Variants in ZBTB16 observed in about 807,000 individuals in gnomAD.
ZBTB16 encodes zinc finger and BTB domain containing 16.
Under a neutral mutation model 56.8 loss-of-function variants are expected in ZBTB16, and 8 were observed. That is an observed-to-expected ratio of 0.14 (90% CI 0.08 to 0.25). ZBTB16 has a LOEUF of 0.25. ZBTB16 is among the 10% of genes least tolerant of loss of function. The pLI, the probability that ZBTB16 is intolerant of heterozygous loss-of-function variation, is 1.00. For synonymous variants in ZBTB16, 363 were observed against 368.5 expected (o/e 0.98, Z 0.17); for missense variants, 625 against 903.0 (o/e 0.69, Z 3.95).
In ZBTB16 at chr11:114,064,408, A is replaced by G; in HGVS notation, c.1108A>G (p.Thr370Ala). Residue 370 changes from threonine to alanine, a missense_variant, in exon 2 of 7, where the codon ACC (threonine) becomes GCC (alanine). Thr to Ala is a moderately conservative substitution (Grantham distance 58, BLOSUM62 0). Transcript: ENST00000335953. This position sits in a 1 kb window ranked among gnomAD's most constrained non-coding sequence, Gnocchi z 4.2. Reference protein sequence around the residue: ...PALAVSMDFSTYGGLLPQGFI... With the variant: ...PALAVSMDFSAYGGLLPQGFI... Reference sequence around the variant, plus strand: ...CCTGGCTGTCTCCATGGACTTCAGCACCTATGGGGGGCTGCTGCCCCAGGG... The same window carrying G: ...CCTGGCTGTCTCCATGGACTTCAGCGCCTATGGGGGGCTGCTGCCCCAGGG... 6.2e-7 allele frequency: 1 copy of G among 1,613,992 alleles called. No individual in the cohort carries two copies. The highest frequency in any genetic ancestry group is 8.5e-7 in the Non-Finnish European group (1 of 1,180,000).
At chr11:114,220,625 T>A (rs1316035954) in intron 4 of ZBTB16, among the ~76,000 whole-genome samples, 2 of 152,194 alleles carry the variant, frequency 1.3e-5, no homozygotes, top group African/African-American at 4.8e-5. Flanking sequence ...CATCAGTGTC[T>A]CCCCAGACCA....
Position 114,063,703 on chromosome 11 carries a change from G to T in ZBTB16, c.403G>T (p.Ala135Ser), listed in dbSNP as rs1323609956. The change falls in exon 2 of 7, where the codon GCC becomes TCC. Residue 135 changes from alanine to serine, a missense_variant. Around this residue, in one of 6 missense-constraint regions of ZBTB16, gnomAD observed 384 missense variants for 393.5 expected, o/e 0.98. Transcript: ENST00000335953. This position sits in a 1 kb window ranked among gnomAD's most constrained non-coding sequence, Gnocchi z 6.5. ...GGCCTCAGACGACAATGACACGGAGGCCACCATGGCCGATGGCGGGGCCGA... is the reference window on the plus strand; with the variant it reads ...GGCCTCAGACGACAATGACACGGAGTCCACCATGGCCGATGGCGGGGCCGA... The part of the protein sequence containing the change: ...IQASDDNDTE[A>S]TMADGGAEEE... The T allele has an allele frequency of 6.2e-7, 1 of 1,614,074 alleles. No individual in the cohort carries two copies. Among genetic ancestry groups the T allele is most frequent in the Non-Finnish European group, 8.5e-7 (1 of 1,180,046 alleles).
At position 114,077,278 on chromosome 11, in the gene ZBTB16, C is replaced by T. The variant is rs150045390; in HGVS notation, c.1268+12710C>T. On this transcript the variant is annotated intron_variant, in intron 2 of 6. Coordinates refer to ENST00000335953, the MANE Select transcript of ZBTB16 (RefSeq NM_006006.6). ...TTGCTATGTTCCTCTAAGTGTAATTCTTTTGTCACTTGGAGCCACTCTCCT... is the reference window on the plus strand; with the variant it reads ...TTGCTATGTTCCTCTAAGTGTAATTTTTTTGTCACTTGGAGCCACTCTCCT... Among the ~76,000 whole-genome samples, 782 of 152,252 alleles carry T rather than the reference C, an allele frequency of 5.1e-3. 7 individuals are homozygous for T. The highest frequency in any genetic ancestry group is 0.018 in the African/African-American group (735 of 41,530).
rs1391236045 is a variant in ZBTB16 at position 114,255,680 on chromosome 11, A to C, written c.*5125A>C. Reference sequence around the variant, plus strand: ...ATCTGCCTTCGTTTCGTGTAGATTGACGCGTTTCTTTGTAATTTCAGTGTT... The same window carrying C: ...ATCTGCCTTCGTTTCGTGTAGATTGCCGCGTTTCTTTGTAATTTCAGTGTT... On this transcript the variant is annotated 3_prime_UTR_variant, in exon 7 of 7. Transcript: ENST00000335953. Among the ~76,000 whole-genome samples the C allele has an allele frequency of 1.4e-4, 21 of 148,028 alleles. No individual in the cohort carries two copies. Among genetic ancestry groups the C allele is most frequent in the Admixed American group, 1.4e-3 (20 of 14,660 alleles).
Position 114,168,647 on chromosome 11 carries a change from G to T in ZBTB16, c.1366+12213G>T, listed in dbSNP as rs77716080. 2.5e-3 allele frequency among the ~76,000 whole-genome samples: 388 copies of T among 152,310 alleles called. 3 individuals are homozygous for T. Among genetic ancestry groups the T allele is most frequent in the African/African-American group, 9.0e-3 (374 of 41,562 alleles). On this transcript the variant is annotated intron_variant, in intron 3 of 6. Transcript: ENST00000335953. Reference sequence around the variant, plus strand: ...CTCTCTTTCTCTCTCCTTCCACCCTGTGTCTTGCTTTTCTATTATAGTATA... The same window carrying T: ...CTCTCTTTCTCTCTCCTTCCACCCTTTGTCTTGCTTTTCTATTATAGTATA...
intron 4 of ZBTB16, among the ~76,000 whole-genome samples, chr11:114,206,512 TCTGTGAGTCAGGGTCTG>T (rs2135118447): frequency 6.6e-6 from 1 of 152,296 alleles, no homozygotes; most frequent in African/African-American, 2.4e-5. Context: ...TCCTTGGCCG[TCTGTGAGTCAGGGTCTG>T]CACCAGGGCT....
chr11:114,064,365 C>T lies in ZBTB16; in HGVS notation c.1065C>T (p.Gly355=). Residue 355 remains glycine, a synonymous_variant, in exon 2 of 7, where the codon GGC becomes GGT. Transcript: ENST00000335953. The surrounding 1 kb of genome is among the most constrained non-coding windows in gnomAD (Gnocchi z 4.2). ...VLSMPSSVTS[G]LHVQPALAVS... The stretch of plus-strand genomic sequence containing the variant: ...GCATGCCGTCTTCCGTGACCTCTGG[C>T]CTCCACGTGCAGCCTGCCCTGGCTG... The T allele has an allele frequency of 6.2e-7, 1 of 1,614,080 alleles. No homozygotes were observed. The highest frequency in any genetic ancestry group is 1.3e-5 in the African/African-American group (1 of 75,058).
intron 4 of ZBTB16, among the ~76,000 whole-genome samples, chr11:114,210,186 T>TGC (rs1198745638): frequency 2.8e-5 from 4 of 143,500 alleles, no homozygotes; most frequent in African/African-American, 1.0e-4. Flanking sequence ...TGTGTGTGTG[T>TGC]GTGTGTGCGT....
At chr11:114,173,266 A>G (rs1387159921) in intron 3 of ZBTB16, among the ~76,000 whole-genome samples, 1 of 152,232 alleles carries the variant, frequency 6.6e-6, no homozygotes, top group Non-Finnish European at 1.5e-5. Flanking sequence ...AGAAGGGCTA[A>G]AAATAGACAT....
intron 3 of ZBTB16, among the ~76,000 whole-genome samples, chr11:114,176,004 TGC>T (rs1331251004): frequency 6.7e-6 from 1 of 149,180 alleles, no homozygotes; most frequent in African/African-American, 2.5e-5. Context: ...TGTGTGTGCG[TGC>T]GTGTGTGTGT....
intron 2 of ZBTB16, among the ~76,000 whole-genome samples, chr11:114,153,714 C>T (rs918841592): frequency 1.2e-4 from 18 of 152,166 alleles, no homozygotes; most frequent in Admixed American, 2.0e-4. Flanking sequence ...AGAAGTGGGA[C>T]GTGGCTCAGG....
At chr11:114,181,066 T>C (rs1289868658) in intron 3 of ZBTB16, 1 of 152,138 alleles carries the variant, frequency 6.6e-6, no homozygotes, top group African/African-American at 2.4e-5. Flanking sequence ...TGTGCGTTCA[T>C]GTATGTGCAC....
At chr11:114,198,169 A>G (rs1436944893) in intron 4 of ZBTB16, among the ~76,000 whole-genome samples, 1 of 152,200 alleles carries the variant, frequency 6.6e-6, no homozygotes, top group Non-Finnish European at 1.5e-5. Context: ...ATAGCATTTG[A>G]CTTTTATAAA....
chr11:114,186,269 C>T (rs2135058599), intron 3 of ZBTB16, among the ~76,000 whole-genome samples: 1 of 98,004 alleles, frequency 1.0e-5, no homozygotes, highest in East Asian at 3.2e-4. Flanking sequence ...ACAGGCCTAG[C>T]AATGGGAAGA....
At chr11:114,140,255 C>A (rs931858660) in intron 2 of ZBTB16, among the ~76,000 whole-genome samples, 3 of 152,170 alleles carry the variant, frequency 2.0e-5, no homozygotes, top group Non-Finnish European at 4.4e-5. Context: ...CATGAGCCCC[C>A]CTCCTTGGGG....
At chr11:114,173,399 T>C (rs996703624) in intron 3 of ZBTB16, among the ~76,000 whole-genome samples, 2 of 151,940 alleles carry the variant, frequency 1.3e-5, no homozygotes, top group African/African-American at 2.4e-5. Flanking sequence ...GAGATGGGGA[T>C]GGTGGGTGTT....
intron 4 of ZBTB16, among the ~76,000 whole-genome samples, chr11:114,233,929 A>C (rs1565700618): frequency 6.6e-6 from 1 of 152,182 alleles, no homozygotes; most frequent in South Asian, 2.1e-4. Context: ...GGACACAGCC[A>C]CATTCCCCAA....
intron 2 of ZBTB16, among the ~76,000 whole-genome samples, chr11:114,081,987 A>G (rs1186228568): frequency 2.6e-5 from 4 of 152,042 alleles, no homozygotes; most frequent in Non-Finnish European, 5.9e-5. Flanking sequence ...TTGGCCATCA[A>G]GGACTGTGAA....
At chr11:114,077,252 C>T (rs1939604001) in intron 2 of ZBTB16, among the ~76,000 whole-genome samples, 1 of 152,174 alleles carries the variant, frequency 6.6e-6, no homozygotes, top group South Asian at 2.1e-4. Context: ...TGAGAAGCCG[C>T]TTGCTATGTT....
Sources: gnomAD v4.1 joint callset for allele counts (sites outside exome capture counted in the v4.1 genomes callset) on GRCh38, gnomAD v4.1.1 for gene constraint, gnomAD v4.1.1 regional missense constraint, Gnocchi (gnomAD v3.1) non-coding constraint, MANE v1.5 for transcripts, NCBI Gene and HGNC (gene_info 2026-07-23, HGNC 2026-07-21) for gene names.